Variants in WBP1L observed in about 807,000 individuals in gnomAD.
WBP1L encodes WW domain binding protein 1 like, also known as WW domain binding protein 1-like.
A neutral mutation model predicts 33.7 loss-of-function variants in WBP1L; 17 were observed. The ratio of observed to expected loss-of-function variants is 0.50; its 90% CI spans 0.34 to 0.76. The LOEUF (loss-of-function observed/expected upper bound fraction) is 0.76. Among genes scored for constraint, WBP1L ranks in the 30% least tolerant of loss-of-function variants. The probability of loss-of-function intolerance (pLI) is 0.01; values close to 1 mark genes in which losing one functional copy is unlikely to be tolerated. For synonymous variants in WBP1L, 173 were observed against 190.8 expected, an observed-to-expected ratio of 0.91 and a Z score of 0.77; for missense variants, 389 against 469.4, an observed-to-expected ratio of 0.83 and a Z score of 1.58.
intron 1 of WBP1L, among the ~76,000 whole-genome samples, chr10:102,791,992 G>A (rs576809119): frequency 3.0e-4 from 46 of 152,326 alleles, no homozygotes; most frequent in African/African-American, 1.1e-3. Flanking sequence ...TGTAAGATGT[G>A]GAAACTGTTG....
chr10:102,796,434 G>A (rs1470989686), intron 1 of WBP1L, among the ~76,000 whole-genome samples: 1 of 152,208 alleles, frequency 6.6e-6, no homozygotes, highest in African/African-American at 2.4e-5. Flanking sequence ...TGCCAGTCCT[G>A]TTTCTGCCCA....
intron 1 of WBP1L, among the ~76,000 whole-genome samples, chr10:102,751,169 T>G (rs1590164806): frequency 1.3e-5 from 2 of 152,208 alleles, no homozygotes; most frequent in East Asian, 3.9e-4. Flanking sequence ...CCTAGCTAAC[T>G]TTTGTATTTT....
At chr10:102,776,301 C>T in intron 1 of WBP1L, 2 of 1,612,632 alleles carry the variant, frequency 1.2e-6, no homozygotes, top group African/African-American at 1.3e-5. Flanking sequence ...CCACCGCACA[C>T]ACAGGCCCAC....
At position 102,743,979 on chromosome 10, in the gene WBP1L, A is replaced by C. The variant is rs1012423324; in HGVS notation, c.-75A>C. 9.9e-6 allele frequency: 11 copies of C among 1,105,772 alleles called. No individual in the cohort carries two copies. The South Asian group carries it at 1.5e-4, about 16-fold the overall frequency. 68.5% of individuals were successfully genotyped at this position (1,105,772 alleles called of 1,614,324 possible). On this transcript the variant is annotated 5_prime_UTR_variant, in exon 1 of 4. Transcript: ENST00000448841. ...CAGGAAAAGAAGGGAAGAAGGAAGA[A>C]GAGGGTAGAGGAGGAGAGGGAGGAG...
In WBP1L at chr10:102,790,904, A is replaced by T. The variant is rs369713174; in HGVS notation, c.91-7089A>T. ...TGCCAGATGTTGCAGGTTTATTGCC[A>T]GCCTGGGACTACTTTTTGTGTTAAA... On this transcript the variant is annotated intron_variant, in intron 1 of 3. Transcript: ENST00000448841. Among the ~76,000 whole-genome samples the T allele has an allele frequency of 1.6e-4, 24 of 152,322 alleles. 1 individual carries two copies. The East Asian group carries it at 3.9e-3, about 24-fold the overall frequency.
At chr10:102,765,239 A>G (rs1843092620) in intron 1 of WBP1L, among the ~76,000 whole-genome samples, 1 of 151,990 alleles carries the variant, frequency 6.6e-6, no homozygotes, top group Admixed American at 6.6e-5. Flanking sequence ...CTTCATTTTT[A>G]TGATCCTTTT....
intron 3 of WBP1L, 124 bp downstream of exon 3, chr10:102,810,178 C>T (rs1843809546): frequency 7.7e-6 from 10 of 1,296,748 alleles, no homozygotes; most frequent in South Asian, 2.9e-5. Flanking sequence ...CCTGCCCCTC[C>T]GTAGAGCAAG....
At chr10:102,797,735 T>C (rs1163637585) in intron 1 of WBP1L, among the ~76,000 whole-genome samples, 1 of 152,030 alleles carries the variant, frequency 6.6e-6, no homozygotes, top group Admixed American at 6.6e-5. Context: ...ATATTTTTAG[T>C]AGAGACGGGA....
At chr10:102,768,488 G>A (rs1185723457) in intron 1 of WBP1L, among the ~76,000 whole-genome samples, 1 of 47,056 alleles carries the variant, frequency 2.1e-5, no homozygotes, top group African/African-American at 1.1e-4. Flanking sequence ...CGGGTTCAAC[G>A]CCATTCTCCT....
intron 1 of WBP1L, chr10:102,776,360 C>T: frequency 6.2e-7 from 1 of 1,614,122 alleles, no homozygotes; most frequent in Non-Finnish European, 8.5e-7. Flanking sequence ...GCCCTTTGTT[C>T]CAACGTTAGT....
chr10:102,780,115 A>G (rs1843317185), intron 1 of WBP1L, among the ~76,000 whole-genome samples: 1 of 152,194 alleles, frequency 6.6e-6, no homozygotes, highest in Non-Finnish European at 1.5e-5. Flanking sequence ...AATAATGAGC[A>G]TGGCATGATT....
At position 102,801,246 on chromosome 10, in the gene WBP1L, G is replaced by A. The variant is rs1197528518; in HGVS notation, c.193+3151G>A. 2.0e-5 allele frequency among the ~76,000 whole-genome samples: 3 copies of A among 152,140 alleles called. No homozygotes were observed. In the East Asian group the frequency reaches 5.8e-4, roughly 29 times the overall value. On this transcript the variant is annotated intron_variant, in intron 2 of 3. Transcript: ENST00000448841. ...GCTATTAAGGACCTGATCGTTGTTA[G>A]TATTATCTCCATGCATTTTTACGGC...
chr10:102,812,739 G>C lies in WBP1L; in HGVS notation c.500G>C (p.Gly167Ala). The change falls in exon 4 of 4, where the codon GGC (glycine) becomes GCC (alanine). Residue 167 changes from glycine to alanine, a missense_variant. Gly to Ala is a moderately conservative substitution (Grantham distance 60). Coordinates refer to ENST00000448841, the MANE Select transcript of WBP1L (RefSeq NM_001083913.2). Reference protein sequence around the residue: ...QCGPAGGSPPGIDPTRGSQGA... With the variant: ...QCGPAGGSPPAIDPTRGSQGA... ...GGCCCTGCAGGTGGCAGTCCCCCGG[G>C]CATCGATCCCACCAGGGGATCCCAG... is the stretch of plus-strand genomic sequence containing the variant. 1.9e-6 allele frequency: 3 copies of C among 1,613,820 alleles called. No homozygotes were observed. The South Asian group carries it at 3.3e-5, about 18-fold the overall frequency.
chr10:102,744,189 TC>T, intron 1 of WBP1L, 46 bp downstream of exon 1: 1 of 1,514,886 alleles, frequency 6.6e-7, no homozygotes. Context: ...CTGGGGGTCG[TC>T]GAGGCCTGGC....
Position 102,759,873 on chromosome 10 carries a change from G to C in WBP1L, c.90+15730G>C, listed in dbSNP as rs191460430. 1.7e-4 allele frequency among the ~76,000 whole-genome samples: 26 copies of C among 152,166 alleles called. No individual in the cohort carries two copies. In the East Asian group the frequency reaches 3.1e-3, roughly 18 times the overall value. On this transcript the variant is annotated intron_variant, in intron 1 of 3. Coordinates refer to ENST00000448841, the MANE Select transcript of WBP1L (RefSeq NM_001083913.2). ...TGTGGACTTGTTTTTAATTATCTTGGGTATATACCTAGTAGTGGAATTGCT... is the reference window on the plus strand; with the variant it reads ...TGTGGACTTGTTTTTAATTATCTTGCGTATATACCTAGTAGTGGAATTGCT...
At chr10:102,771,983 C>T (rs1163060268) in intron 1 of WBP1L, among the ~76,000 whole-genome samples, 2 of 146,638 alleles carry the variant, frequency 1.4e-5, no homozygotes, top group Non-Finnish European at 3.0e-5. Context: ...TTTCTTGAGA[C>T]GGAGTCTCGC....
intron 1 of WBP1L, chr10:102,776,051 A>G: frequency 3.1e-6 from 3 of 975,386 alleles, no homozygotes; most frequent in Non-Finnish European, 3.7e-6. Flanking sequence ...TCTGCAGCAC[A>G]TCCTCCTCAG....
intron 1 of WBP1L, among the ~76,000 whole-genome samples, chr10:102,777,267 A>ACCT (rs542878556): frequency 4.7e-4 from 71 of 152,086 alleles, no homozygotes; most frequent in African/African-American, 1.6e-3. Flanking sequence ...GTGGGGAGGG[A>ACCT]GCACACACCC....
intron 1 of WBP1L, among the ~76,000 whole-genome samples, chr10:102,787,183 G>T (rs1843427902): frequency 6.6e-6 from 1 of 152,228 alleles, no homozygotes; most frequent in South Asian, 2.1e-4. Context: ...CCTTTATGGG[G>T]AAGGATGGAA....
Sources: allele counts gnomAD v4.1 joint callset (sites outside exome capture counted in the v4.1 genomes callset), GRCh38; gene constraint gnomAD v4.1.1; transcripts MANE v1.5; gene names NCBI Gene and HGNC (gene_info 2026-07-23, HGNC 2026-07-21).